The following LRRC37A3 variants were observed in gnomAD, a reference collection of about 807,000 sequenced individuals.
The protein encoded by LRRC37A3 is leucine-rich repeat-containing protein 37A3.
LRRC37A3 carries 25 observed loss-of-function variants against 106.2 expected under a neutral mutation model. That is an observed-to-expected ratio of 0.24 (90% CI 0.17 to 0.33). The LOEUF is 0.33. LRRC37A3 is among the 10% of genes least tolerant of loss of function. The pLI is 1.00. For missense variants in LRRC37A3, 712 were observed against 1,644.9 expected (o/e 0.43, Z 9.81); for synonymous variants, 305 against 635.8 (o/e 0.48, Z 7.83).
Position 64,899,488 on chromosome 17 carries a change from G to A in LRRC37A3, c.-495-1029C>T, listed in dbSNP as rs745393464. On this transcript the variant is annotated intron_variant, in intron 2 of 14. Transcript: ENST00000584306. ...AGGGATAGCTCCATTATACGCTTAC[G>A]GAACCACCATCATATATGTGGTCTA... Among the ~76,000 whole-genome samples, 847 of 139,198 alleles carry A rather than the reference G, an allele frequency of 6.1e-3. 1 individual carries two copies. The highest frequency in any genetic ancestry group is 9.9e-3 in the Non-Finnish European group (651 of 65,918). 91.3% of individuals were successfully genotyped at this position (139,198 alleles called of 152,430 possible). A position where few individuals can be genotyped will look rare whatever the true frequency, so the allele number is the denominator to read the frequency against.
At chr17:64,866,622 ATATATATTTTTTTT>A (rs1266469262) in intron 10 of LRRC37A3, among the ~76,000 whole-genome samples, 2 of 24,520 alleles carry the variant, frequency 8.2e-5, no homozygotes, top group African/African-American at 4.4e-4. Flanking sequence ...ATATATATAT[ATATATATTTTTTTT>A]TTTTTTTTTT....
intron 1 of LRRC37A3, 122 bp from the exon 2 acceptor site, chr17:64,918,992 G>C (rs1974767280): frequency 1.6e-6 from 2 of 1,218,692 alleles, no homozygotes; most frequent in East Asian, 3.2e-5. Flanking sequence ...GCCTCCCCCC[G>C]GCCGGGGCGC....
chr17:64,860,712 G>A lies in LRRC37A3; in HGVS notation c.3434C>T (p.Pro1145Leu). ...CTTTGCCAGGCTGTTTCCTGTGGTTGGCAGTTTAATGAACGGTAGTAACAG... is the reference window on the plus strand; with the variant it reads ...CTTTGCCAGGCTGTTTCCTGTGGTTAGCAGTTTAATGAACGGTAGTAACAG... ...KSLLLPFIKLPTTGNSLAKIQ... is the reference protein window; with the variant it reads ...KSLLLPFIKLLTTGNSLAKIQ... The change falls in exon 12 of 15, where the codon CCA becomes CTA. Residue 1145 changes from proline to leucine, a missense_variant. By Grantham distance (98) the Pro-to-Leu change is moderately conservative (BLOSUM62 -3). Coordinates refer to ENST00000584306, the MANE Select transcript of LRRC37A3 (RefSeq NM_199340.5). The A allele has an allele frequency of 1.2e-6, 2 of 1,613,956 alleles. No homozygotes were observed. The highest frequency in any genetic ancestry group is 1.7e-6 in the Non-Finnish European group (2 of 1,179,884).
chr17:64,858,211 C>T (rs1272279072), intron 13 of LRRC37A3, among the ~76,000 whole-genome samples: 1 of 152,182 alleles, frequency 6.6e-6, no homozygotes, highest in Non-Finnish European at 1.5e-5. Flanking sequence ...TGTTCCCCCT[C>T]ACCAGTGAAC....
Position 64,862,949 on chromosome 17 carries a change from T to C in LRRC37A3, c.3123A>G (p.Thr1041=). 3 of 1,599,024 alleles carry C rather than the reference T, an allele frequency of 1.9e-6. No homozygotes were observed. The Admixed American group carries it at 5.0e-5, about 27-fold the overall frequency. Residue 1041 remains threonine (T), a synonymous_variant, in exon 11 of 15, where the codon ACA becomes ACG. Coordinates refer to ENST00000584306, the MANE Select transcript of LRRC37A3 (RefSeq NM_199340.5). The stretch of plus-strand genomic sequence containing the variant: ...ATGCACTGTTGCAATGCAGCTTGAC[T>C]GTCTTGCAGACAGCCTCAATGCTGT... ...FKNSIEAVCK[T]VKLHCNSACL...
In LRRC37A3 at chr17:64,894,961, G is replaced by A. The variant is rs370474247; in HGVS notation, c.2297C>T (p.Ser766Phe). Residue 766 changes from serine to phenylalanine, a missense_variant, in exon 4 of 15, where the codon TCT (serine) becomes TTT (phenylalanine). By Grantham distance (155) the Ser-to-Phe change is radical. Coordinates refer to ENST00000584306, the MANE Select transcript of LRRC37A3 (RefSeq NM_199340.5). ...IPEPTTETGH[S>F]TALEKTTAPR... ...AGCTGTAGTCTTCTCCAGGGCTGTA[G>A]AATGTCCAGTCTCTGTAGTGGGTTC... 4 of 1,589,020 alleles carry A rather than the reference G, an allele frequency of 2.5e-6. No homozygotes were observed. Among genetic ancestry groups the A allele is most frequent in the Non-Finnish European group, 2.5e-6 (3 of 1,179,644 alleles).
intron 4 of LRRC37A3, among the ~76,000 whole-genome samples, chr17:64,893,647 C>A (rs1324024214): frequency 8.4e-6 from 1 of 118,898 alleles, no homozygotes; most frequent in Non-Finnish European, 1.7e-5. Context: ...TCCCTCCTAT[C>A]ATTTTTTTTT....
chr17:64,865,363 C>T (rs866635354), intron 10 of LRRC37A3, among the ~76,000 whole-genome samples: 4 of 152,274 alleles, frequency 2.6e-5, no homozygotes, highest in East Asian at 1.9e-4. Flanking sequence ...AGGCTGGTCT[C>T]GAACTCCTGG....
At chr17:64,876,797 C>G (rs904629169) in intron 8 of LRRC37A3, 2 of 151,894 alleles carry the variant, frequency 1.3e-5, no homozygotes, top group Non-Finnish European at 2.9e-5. Flanking sequence ...CTACCAAATA[C>G]TTAAAGAAGA....
rs535712798 is a variant in LRRC37A3, at chr17:64,854,460, C to T, written c.*139G>A. 3.3e-6 allele frequency: 4 copies of T among 1,216,070 alleles called. No individual in the cohort carries two copies. Among genetic ancestry groups the T allele is most frequent in the Non-Finnish European group, 4.7e-6 (4 of 843,432 alleles). 75.3% of individuals were successfully genotyped at this position (1,216,070 alleles called of 1,614,324 possible). ...GACTAATTAGACTGGGAAACAAGGG[C>T]AGGAACGATGGCCCTGTGCTTGCTC... On this transcript the variant is annotated 3_prime_UTR_variant, in exon 15 of 15. Coordinates refer to ENST00000584306, the MANE Select transcript of LRRC37A3 (RefSeq NM_199340.5).
In LRRC37A3 at chr17:64,896,809, A is replaced by G. The variant is rs758781460; in HGVS notation, c.449T>C (p.Leu150Pro). Residue 150 changes from leucine to proline, a missense_variant, in exon 4 of 15, where the codon CTG becomes CCG. By Grantham distance (98) the Leu-to-Pro change is moderately conservative (BLOSUM62 -3). Coordinates refer to ENST00000584306, the MANE Select transcript of LRRC37A3 (RefSeq NM_199340.5). Reference sequence around the variant, plus strand: ...CCAACGCTGAGCTGGATCTTTCTTCAGCTTCTTGGGCGAAACAGGGAGCCT... The same window carrying G: ...CCAACGCTGAGCTGGATCTTTCTTCGGCTTCTTGGGCGAAACAGGGAGCCT... ...QERLPVSPKK[L>P]KKDPAQRWSL... The G allele has an allele frequency of 6.2e-7, 1 of 1,610,158 alleles. No homozygotes were observed. The highest frequency in any genetic ancestry group is 8.5e-7 in the Non-Finnish European group (1 of 1,179,942).
At chr17:64,867,687 G>A (rs1253148476) in intron 10 of LRRC37A3, among the ~76,000 whole-genome samples, 7 of 151,180 alleles carry the variant, frequency 4.6e-5, no homozygotes, top group Non-Finnish European at 7.4e-5. Context: ...TCCATGGTTC[G>A]TTGAATCTAT....
At chr17:64,875,282 A>G (rs1973473375) in intron 8 of LRRC37A3, among the ~76,000 whole-genome samples, 1 of 152,114 alleles carries the variant, frequency 6.6e-6, no homozygotes, top group Non-Finnish European at 1.5e-5. Flanking sequence ...CTGTCTAAAA[A>G]CAAAGCAACC....
intron 11 of LRRC37A3, among the ~76,000 whole-genome samples, chr17:64,861,346 C>T (rs570837874): frequency 6.6e-6 from 1 of 152,298 alleles, no homozygotes; most frequent in East Asian, 1.9e-4. Flanking sequence ...GCTGTCCTGC[C>T]TCAGATGCAG....
At chr17:64,870,355 A>C (rs1186912855) in intron 8 of LRRC37A3, among the ~76,000 whole-genome samples, 1 of 152,184 alleles carries the variant, frequency 6.6e-6, no homozygotes, top group African/African-American at 2.4e-5. Context: ...TAAAATGAAT[A>C]AATTGATTTT....
rs1201687673 is a variant in LRRC37A3, at chr17:64,860,062, A to C, written c.4084T>G (p.Leu1362Val). 2.5e-6 allele frequency: 4 copies of C among 1,613,882 alleles called. No homozygotes were observed. Among genetic ancestry groups the C allele is most frequent in the Non-Finnish European group, 3.4e-6 (4 of 1,179,882 alleles). The part of the protein sequence containing the change: ...NSPSQGAFSS[L>V]RDLSPQENPF... ...TTTTCTTGAGGACTCAGGTCTCTTA[A>C]GGATGAAAAAGCCCCTTGTGAAGGG... The change falls in exon 12 of 15, where the codon TTA becomes GTA. Residue 1362 changes from leucine (L) to valine (V), a missense_variant. Coordinates refer to ENST00000584306, the MANE Select transcript of LRRC37A3 (RefSeq NM_199340.5).
At chr17:64,857,335 G>C (rs1972710728) in intron 13 of LRRC37A3, among the ~76,000 whole-genome samples, 1 of 152,184 alleles carries the variant, frequency 6.6e-6, no homozygotes, top group Admixed American at 6.5e-5. Flanking sequence ...AGATGTGTAA[G>C]ATCTATATAT....
intron 8 of LRRC37A3, among the ~76,000 whole-genome samples, chr17:64,869,697 C>A (rs57354566): frequency 2.6e-5 from 4 of 151,432 alleles, no homozygotes; most frequent in African/African-American, 9.8e-5. Flanking sequence ...CCCACCACCA[C>A]GCCCAGCTAA....
chr17:64,881,240 T>G (rs543997346), intron 8 of LRRC37A3: 196 of 699,436 alleles, frequency 2.8e-4, no homozygotes, highest in Non-Finnish European at 4.8e-4. Context: ...TTCTTTTCTT[T>G]TCTTTTCTTT....
Sources: gnomAD v4.1 joint callset for allele counts (sites outside exome capture counted in the v4.1 genomes callset) on GRCh38, gnomAD v4.1.1 for gene constraint, MANE v1.5 for transcripts, NCBI Gene and HGNC (gene_info 2026-07-23, HGNC 2026-07-21) for gene names.